NMT2: variants seen among roughly 807,000 people sequenced by gnomAD.
NMT2 encodes the protein N-myristoyltransferase 2.
In NMT2, 35 loss-of-function variants were observed where a neutral mutation model predicts 65.4. The ratio of observed to expected loss-of-function variants is 0.54; its 90% CI spans 0.41 to 0.71. The LOEUF is 0.71. Ranked by LOEUF, NMT2 falls within the 30% of genes least tolerant of loss-of-function variation. The pLI is 0.00. For missense variants in NMT2, 489 were observed against 611.3 expected (o/e 0.80, Z 2.11); for synonymous variants, 226 against 231.8 (o/e 0.98, Z 0.23).
chr10:15,144,276 A>G lies in NMT2; in HGVS notation c.111-2719T>C, dbSNP rs1289486653. ...CATCCCAGCCTCCAAACTCCCAGAC[A>G]TATCTGATAGCATTTATACAATGAT... On this transcript the variant is annotated intron_variant, in intron 1 of 11. Coordinates refer to ENST00000378165, the MANE Select transcript of NMT2 (RefSeq NM_004808.3). Among the ~76,000 whole-genome samples the G allele has an allele frequency of 3.3e-5, 5 of 152,176 alleles. No homozygotes were observed. The East Asian group carries it at 5.8e-4, about 18-fold the overall frequency.
intron 2 of NMT2, among the ~76,000 whole-genome samples, chr10:15,139,113 G>C (rs1053669380): frequency 6.6e-6 from 1 of 152,038 alleles, no homozygotes; most frequent in Non-Finnish European, 1.5e-5. Context: ...CTCCCATACT[G>C]GATGCTTCCT....
intron 1 of NMT2, among the ~76,000 whole-genome samples, chr10:15,158,546 C>T (rs1426172874): frequency 1.3e-5 from 2 of 152,136 alleles, no homozygotes; most frequent in African/African-American, 4.8e-5. Context: ...GGAATCCATT[C>T]TGCAAATCTT....
At chr10:15,137,277 G>A (rs960060109) in intron 2 of NMT2, among the ~76,000 whole-genome samples, 5 of 152,036 alleles carry the variant, frequency 3.3e-5, no homozygotes, top group African/African-American at 1.2e-4. Flanking sequence ...CTGGAGGCAG[G>A]TGAAAGTCTT....
rs1241883576 is a variant in NMT2, at chr10:15,119,379, G to A, written c.1134C>T (p.Leu378=). Residue 378 remains leucine (L), a synonymous_variant, in exon 9 of 12, where the codon CTC becomes CTT. Coordinates refer to ENST00000378165, the MANE Select transcript of NMT2 (RefSeq NM_004808.3). The part of the protein sequence containing the change: ...MDEEEVAHWF[L]PREHIIDTFV... ...ACGTGTCAATAATGTGCTCCCGGGG[G>A]AGGAACCAGTGGGCTACTTCCTCTT... 1 of 1,614,196 alleles carries A rather than the reference G, an allele frequency of 6.2e-7. No homozygotes were observed.
intron 1 of NMT2, among the ~76,000 whole-genome samples, chr10:15,150,536 T>C (rs1832767286): frequency 6.6e-6 from 1 of 152,164 alleles, no homozygotes; most frequent in African/African-American, 2.4e-5. Flanking sequence ...AACCCATACT[T>C]AGTGTGCCCC....
intron 1 of NMT2, chr10:15,155,368 T>G: frequency 1.4e-6 from 1 of 740,308 alleles, no homozygotes; most frequent in South Asian, 1.6e-5. Flanking sequence ...GCAAAGCCTT[T>G]TTTGTTGTGT....
chr10:15,105,892 T>C lies in NMT2; in HGVS notation c.*3303A>G, dbSNP rs1589278557. 1.7e-5 allele frequency: 4 copies of C among 231,498 alleles called. No individual in the cohort carries two copies. The highest frequency in any genetic ancestry group is 1.1e-4 in the South Asian group (3 of 28,276). The allele number at this position is 231,498 out of a possible 1,614,324, so 14.3% of individuals were successfully genotyped here. A position where few individuals can be genotyped will look rare whatever the true frequency, so the allele number is the denominator to read the frequency against. The stretch of plus-strand genomic sequence containing the variant: ...TAGTTATTATTCTATTTAAAAGTGG[T>C]TAATAATTTGATAACAAATTATGTA... On this transcript the variant is annotated 3_prime_UTR_variant, in exon 12 of 12. Coordinates refer to ENST00000378165, the MANE Select transcript of NMT2 (RefSeq NM_004808.3).
At position 15,168,686 on chromosome 10, in the gene NMT2, G is replaced by T. The variant is rs1170263606; in HGVS notation, c.-74C>A. The T allele has an allele frequency of 2.6e-6, 3 of 1,148,768 alleles. No individual in the cohort carries two copies. Among genetic ancestry groups the T allele is most frequent in the Non-Finnish European group, 3.6e-6 (3 of 826,808 alleles). The allele number at this position is 1,148,768 out of a possible 1,614,324, so 71.2% of individuals were successfully genotyped here. On this transcript the variant is annotated 5_prime_UTR_variant, in exon 1 of 12. Coordinates refer to ENST00000378165, the MANE Select transcript of NMT2 (RefSeq NM_004808.3). ...GCCGCAGCTCCCTCTAGTGCCTCCC[G>T]CCGTACTGCTTGGAGTCGGAGCCCG...
intron 1 of NMT2, among the ~76,000 whole-genome samples, chr10:15,167,785 T>C (rs916997291): frequency 2.6e-5 from 4 of 152,162 alleles, no homozygotes; most frequent in African/African-American, 9.7e-5. Context: ...GCGTGGTGCA[T>C]CGAGTTTTGG....
rs1429732876 is a variant in NMT2 at position 15,108,407 on chromosome 10, G to A, written c.*788C>T. The A allele has an allele frequency of 1.4e-5, 9 of 640,792 alleles. No homozygotes were observed. The South Asian group carries it at 2.1e-4, about 15-fold the overall frequency. The allele number at this position is 640,792 out of a possible 1,614,324, so 39.7% of individuals were successfully genotyped here. ...TCACTATGTTGGCCAGAATGGTCTC[G>A]ATCTCCTGACCTCATGATCTGCCCA... On this transcript the variant is annotated 3_prime_UTR_variant, in exon 12 of 12. Coordinates refer to ENST00000378165, the MANE Select transcript of NMT2 (RefSeq NM_004808.3).
In NMT2 at chr10:15,130,296, C is replaced by G; in HGVS notation, c.736G>C (p.Glu246Gln). The G allele has an allele frequency of 1.3e-6, 2 of 1,589,600 alleles. No homozygotes were observed. Among genetic ancestry groups the G allele is most frequent in the Non-Finnish European group, 1.7e-6 (2 of 1,167,312 alleles). Residue 246 changes from glutamate to glutamine, a missense_variant, in exon 7 of 12, where the codon GAA becomes CAA. Physicochemically the swap from Glu to Gln is conservative, Grantham distance 29 (BLOSUM62 2). Coordinates refer to ENST00000378165, the MANE Select transcript of NMT2 (RefSeq NM_004808.3). ...TTATGAACACAAAGAAAGTTGATTT[C>G]TACCATCTTCTTCACACTAAGAAAT... ...RIYDSVKKMV[E>Q]INFLCVHKKL... is the part of the protein sequence containing the mutation.
At chr10:15,158,641 G>A (rs1360155820) in intron 1 of NMT2, among the ~76,000 whole-genome samples, 1 of 152,342 alleles carries the variant, frequency 6.6e-6, no homozygotes, top group East Asian at 1.9e-4. Flanking sequence ...CAATCTACCT[G>A]TGAGTAGACA....
chr10:15,139,372 G>A (rs1019552122), intron 2 of NMT2, among the ~76,000 whole-genome samples: 5 of 151,844 alleles, frequency 3.3e-5, no homozygotes, highest in African/African-American at 7.3e-5. Context: ...CCAAGAGTTC[G>A]CCACTGCCTG....
chr10:15,130,937 A>G (rs1746767256), intron 6 of NMT2, among the ~76,000 whole-genome samples: 2 of 151,732 alleles, frequency 1.3e-5, no homozygotes, highest in African/African-American at 4.8e-5. Flanking sequence ...TTACAGGTGC[A>G]CGCCACCATG....
chr10:15,111,853 G>A (rs1272368914), intron 10 of NMT2: 1 of 151,308 alleles, frequency 6.6e-6, no homozygotes, highest in East Asian at 1.9e-4. Flanking sequence ...TCACTCTGTG[G>A]CCCAGGCTGG....
intron 2 of NMT2, among the ~76,000 whole-genome samples, chr10:15,135,874 G>A (rs1846468872): frequency 6.6e-6 from 1 of 151,752 alleles, no homozygotes. Flanking sequence ...GGGAAGGGAA[G>A]GGGAGGGGAG....
intron 8 of NMT2, among the ~76,000 whole-genome samples, chr10:15,125,645 T>C (rs548424632): frequency 9.9e-5 from 15 of 152,180 alleles, no homozygotes; most frequent in Non-Finnish European, 1.3e-4. Context: ...TATGTATGTA[T>C]GTATGTACGT....
intron 2 of NMT2, chr10:15,138,531 T>C (rs1589330472): frequency 2.2e-6 from 1 of 464,534 alleles, no homozygotes. Context: ...AAGAGGCAGG[T>C]ATATTCTCTT....
At chr10:15,115,924 A>G (rs1465286754) in intron 9 of NMT2, among the ~76,000 whole-genome samples, 1 of 152,218 alleles carries the variant, frequency 6.6e-6, no homozygotes, top group Non-Finnish European at 1.5e-5. Flanking sequence ...CAAGAGGCCC[A>G]GAAGAAATCA....
Sources: allele counts gnomAD v4.1 joint callset (sites outside exome capture counted in the v4.1 genomes callset), GRCh38; gene constraint gnomAD v4.1.1; transcripts MANE v1.5; gene names NCBI Gene and HGNC (gene_info 2026-07-23, HGNC 2026-07-21).